Variants in TRIO observed in about 807,000 individuals in gnomAD.
TRIO encodes triple functional domain protein.
Under a neutral mutation model 351.9 loss-of-function variants are expected in TRIO, and 58 were observed. The observed-to-expected ratio is 0.16, with a 90% CI of 0.13 to 0.21. The LOEUF (loss-of-function observed/expected upper bound fraction) is 0.21. TRIO is among the 10% of genes least tolerant of loss of function. The probability of loss-of-function intolerance (pLI) is 1.00; values close to 1 mark genes in which losing one functional copy is unlikely to be tolerated. For missense variants in TRIO, 3,201 were observed against 4,027.8 expected (o/e 0.79, Z 5.56); for synonymous variants, 1,758 against 1,595.7 (o/e 1.10, Z -2.42).
intron 34 of TRIO, among the ~76,000 whole-genome samples, chr5:14,460,504 T>G (rs1337181828): frequency 6.6e-6 from 1 of 152,216 alleles, no homozygotes; most frequent in Non-Finnish European, 1.5e-5. Context: ...TACACAATTC[T>G]GCTTTTGTTC....
At chr5:14,380,292 TCCTCCTTCGCGCCCCGCCTCCTCCTTCGC>T (rs1745965245) in intron 20 of TRIO, among the ~76,000 whole-genome samples, 1 of 114,766 alleles carries the variant, frequency 8.7e-6, no homozygotes, top group African/African-American at 5.6e-5. Flanking sequence ...GCGCCCCGCC[TCCTCCTTCGCGCCCCGCCTCCTCCTTCGC>T]GCCCCGCCTC....
chr5:14,192,960 A>G (rs1401020971), intron 1 of TRIO, among the ~76,000 whole-genome samples: 1 of 152,260 alleles, frequency 6.6e-6, no homozygotes, highest in East Asian at 1.9e-4. Context: ...ATTGTTCTTA[A>G]CAGCTTATGA....
intron 11 of TRIO, among the ~76,000 whole-genome samples, 186 bp from the exon 12 acceptor site, chr5:14,357,992 C>A (rs549495760): frequency 2.0e-5 from 3 of 152,266 alleles, no homozygotes; most frequent in South Asian, 4.1e-4. Flanking sequence ...GCATGTGTTC[C>A]GCTGGCAGTG....
intron 1 of TRIO, among the ~76,000 whole-genome samples, chr5:14,169,231 A>C (rs1431903879): frequency 6.9e-6 from 1 of 144,812 alleles, no homozygotes; most frequent in Admixed American, 6.9e-5. Context: ...TCTTTTTTAG[A>C]TGGAAGGTTC....
intron 1 of TRIO, among the ~76,000 whole-genome samples, chr5:14,233,364 T>C (rs908847985): frequency 2.0e-5 from 3 of 149,008 alleles, no homozygotes; most frequent in Non-Finnish European, 4.4e-5. Context: ...GTGGTGTGTG[T>C]CTGTAGTCCC....
At chr5:14,179,783 A>G (rs1330393860) in intron 1 of TRIO, among the ~76,000 whole-genome samples, 2 of 152,148 alleles carry the variant, frequency 1.3e-5, no homozygotes, top group East Asian at 1.9e-4. Context: ...ATTTTTGAAC[A>G]TGTATTGGCT....
chr5:14,368,866 C>A lies in TRIO; in HGVS notation c.3033C>A (p.Asn1011Lys). 6.2e-7 allele frequency: 1 copy of A among 1,613,980 alleles called. No individual in the cohort carries two copies. The highest frequency in any genetic ancestry group is 8.5e-7 in the Non-Finnish European group (1 of 1,179,960). Reference sequence around the variant, plus strand: ...TGGAAGATCGCCTCAAGCTCGTCAACGCCTCTGTCGCTTTCTACAAAACCT... The same window carrying A: ...TGGAAGATCGCCTCAAGCTCGTCAAAGCCTCTGTCGCTTTCTACAAAACCT... ...LKMEDRLKLVNASVAFYKTSE... is the reference protein window; with the variant it reads ...LKMEDRLKLVKASVAFYKTSE... Residue 1011 changes from asparagine to lysine, a missense_variant, in exon 17 of 57, where the codon AAC becomes AAA. By Grantham distance (94) the Asn-to-Lys change is moderately conservative (BLOSUM62 0). This residue lies in a region of TRIO where 363 missense variants were observed against 553.5 expected (regional missense o/e 0.66). Coordinates refer to ENST00000344204, the MANE Select transcript of TRIO (RefSeq NM_007118.4).
chr5:14,282,831 A>G (rs1474554495), intron 3 of TRIO, among the ~76,000 whole-genome samples: 3 of 152,216 alleles, frequency 2.0e-5, no homozygotes, highest in Non-Finnish European at 4.4e-5. Flanking sequence ...CGTTTGCATT[A>G]ACTGCAGTCC....
chr5:14,408,851 T>G (rs1044121382), intron 33 of TRIO, among the ~76,000 whole-genome samples: 1 of 152,058 alleles, frequency 6.6e-6, no homozygotes, highest in African/African-American at 2.4e-5. Context: ...TAGACATGAG[T>G]TCAAAAGTTT....
rs774398593 is a variant in TRIO, at chr5:14,508,312, G to A, written c.9184G>A (p.Asp3062Asn). 12 of 1,613,826 alleles carry A rather than the reference G, an allele frequency of 7.4e-6. No individual in the cohort carries two copies. Among genetic ancestry groups the A allele is most frequent in the East Asian group, 4.5e-5 (2 of 44,890 alleles). ...CAACGGCAGAAGCACGGGCGTCCTCGACACGTCCAGACTGACTTCCTTCAT... is the reference window on the plus strand; with the variant it reads ...CAACGGCAGAAGCACGGGCGTCCTCAACACGTCCAGACTGACTTCCTTCAT... ...AGNGRSTGVL[D>N]TSRLTSFIER... Residue 3062 changes from aspartate to asparagine, a missense_variant, in exon 57 of 57, where the codon GAC becomes AAC. Transcript: ENST00000344204.
intron 1 of TRIO, among the ~76,000 whole-genome samples, chr5:14,146,049 A>G (rs965118311): frequency 6.6e-6 from 1 of 152,194 alleles, no homozygotes; most frequent in African/African-American, 2.4e-5. Flanking sequence ...CATTCCAGCG[A>G]TAGCCTGGAA....
chr5:14,454,782 C>G (rs753639901), intron 34 of TRIO, among the ~76,000 whole-genome samples: 3 of 152,226 alleles, frequency 2.0e-5, no homozygotes, highest in African/African-American at 7.2e-5. Context: ...GGTTCTTGGT[C>G]TCACTGACTT....
At chr5:14,394,722 G>A (rs1041430121) in intron 28 of TRIO, among the ~76,000 whole-genome samples, 1 of 152,232 alleles carries the variant, frequency 6.6e-6, no homozygotes, top group East Asian at 1.9e-4. Flanking sequence ...GCTGACCTCT[G>A]CTTTTTATTA....
intron 11 of TRIO, 146 bp from the exon 12 acceptor site, chr5:14,358,032 C>G (rs1743791963): frequency 1.0e-6 from 1 of 988,750 alleles, no homozygotes; most frequent in East Asian, 2.7e-5. Context: ...CCCGTCCTTC[C>G]TTCCTTCCCT....
chr5:14,197,156 C>T (rs1790828660), intron 1 of TRIO, among the ~76,000 whole-genome samples: 1 of 152,226 alleles, frequency 6.6e-6, no homozygotes, highest in Non-Finnish European at 1.5e-5. Context: ...TTGGGCACGA[C>T]TAAGTGCTAT....
At chr5:14,238,139 G>A (rs1012266582) in intron 1 of TRIO, among the ~76,000 whole-genome samples, 1 of 152,100 alleles carries the variant, frequency 6.6e-6, no homozygotes, top group South Asian at 2.1e-4. Flanking sequence ...CAGTTCTCTC[G>A]AAACAGTGTA....
intron 1 of TRIO, among the ~76,000 whole-genome samples, chr5:14,145,386 C>G (rs1191314548): frequency 2.0e-5 from 3 of 152,106 alleles, no homozygotes; most frequent in Non-Finnish European, 4.4e-5. Context: ...AGCCGACTGT[C>G]CAGTGTTAGC....
chr5:14,403,658 G>A (rs1439528238), intron 31 of TRIO, among the ~76,000 whole-genome samples: 2 of 135,136 alleles, frequency 1.5e-5, no homozygotes, highest in South Asian at 2.6e-4. Flanking sequence ...GGTGGTGAGG[G>A]TGCAGGTGGT....
intron 1 of TRIO, among the ~76,000 whole-genome samples, chr5:14,156,332 C>T (rs568974618): frequency 3.3e-5 from 5 of 152,158 alleles, no homozygotes; most frequent in South Asian, 2.1e-4. Context: ...TTTAGAAACA[C>T]GATCTAGGCA....
Sources: gnomAD v4.1 joint callset for allele counts (sites outside exome capture counted in the v4.1 genomes callset) on GRCh38, gnomAD v4.1.1 for gene constraint, gnomAD v4.1.1 regional missense constraint, MANE v1.5 for transcripts, NCBI Gene and HGNC (gene_info 2026-07-23, HGNC 2026-07-21) for gene names.